Variants in MAST2 observed in about 807,000 individuals in gnomAD.
The protein encoded by MAST2 is microtubule-associated serine/threonine-protein kinase 2.
In MAST2, 70 loss-of-function variants were observed where a neutral mutation model predicts 147.4. That is an observed-to-expected ratio of 0.47 (90% CI 0.39 to 0.58). MAST2 has a LOEUF of 0.58. Ranked by LOEUF, MAST2 falls within the 20% of genes least tolerant of loss-of-function variation. The pLI, the probability that MAST2 is intolerant of heterozygous loss-of-function variation, is 0.00. For synonymous variants in MAST2, 869 were observed against 896.8 expected (o/e 0.97, Z 0.55); for missense variants, 2,080 against 2,302.3 (o/e 0.90, Z 1.98).
chr1:45,960,526 A>G (rs1365575815), intron 5 of MAST2, among the ~76,000 whole-genome samples: 1 of 152,124 alleles, frequency 6.6e-6, no homozygotes, highest in Non-Finnish European at 1.5e-5. Flanking sequence ...AAGAAAAGAA[A>G]AGAAATACGA....
chr1:45,996,656 A>C (rs1645068993), intron 5 of MAST2, among the ~76,000 whole-genome samples: 1 of 152,138 alleles, frequency 6.6e-6, no homozygotes, highest in Non-Finnish European at 1.5e-5. Flanking sequence ...CCATTATATA[A>C]TTGATACAGA....
intron 5 of MAST2, among the ~76,000 whole-genome samples, chr1:45,977,522 G>A (rs996960123): frequency 6.8e-6 from 1 of 147,908 alleles, no homozygotes; most frequent in African/African-American, 2.5e-5. Context: ...CAAAAAGGCC[G>A]GGTGCAGTGG....
chr1:45,979,511 C>A (rs918817172), intron 5 of MAST2, among the ~76,000 whole-genome samples: 2 of 147,298 alleles, frequency 1.4e-5, no homozygotes, highest in Non-Finnish European at 3.0e-5. Context: ...GTCATTTTTT[C>A]TGGAGCTAGA....
chr1:45,987,971 TATA>T (rs1412610645), intron 5 of MAST2, among the ~76,000 whole-genome samples: 8 of 151,860 alleles, frequency 5.3e-5, no homozygotes, highest in Non-Finnish European at 7.4e-5. Context: ...AATGTAGTGA[TATA>T]ATTTTCCCCC....
At chr1:45,989,801 C>T (rs1644792217) in intron 5 of MAST2, among the ~76,000 whole-genome samples, 1 of 152,190 alleles carries the variant, frequency 6.6e-6, no homozygotes, top group Non-Finnish European at 1.5e-5. Context: ...TTATACCTAC[C>T]TTTTCCAAAA....
intron 3 of MAST2, among the ~76,000 whole-genome samples, chr1:45,878,807 G>A (rs1646715826): frequency 6.6e-6 from 1 of 151,970 alleles, no homozygotes; most frequent in African/African-American, 2.4e-5. Flanking sequence ...TGTTAAAAAC[G>A]ATAAAACATT....
chr1:45,927,763 A>G (rs1415825626), intron 4 of MAST2, among the ~76,000 whole-genome samples: 1 of 152,240 alleles, frequency 6.6e-6, no homozygotes, highest in Non-Finnish European at 1.5e-5. Context: ...AGATTAAAGT[A>G]TAAAGACAGG....
chr1:46,035,351 G>C lies in MAST2; in HGVS notation c.4682G>C (p.Ser1561Thr). Residue 1561 changes from serine to threonine, a missense_variant, in exon 29 of 29, where the codon AGC (serine) becomes ACC (threonine). Ser to Thr is a moderately conservative substitution (Grantham distance 58, BLOSUM62 1). Transcript: ENST00000361297. The surrounding 1 kb of genome is among the most constrained non-coding windows in gnomAD (Gnocchi z 5.5). ...DPRSLGPMVP[S>T]LLTGITLGPP... ...AGGAGCCTGGGCCCAATGGTCCCAA[G>C]CCTATTGACAGGGATCACACTGGGG... is the stretch of plus-strand genomic sequence containing the variant. The C allele has an allele frequency of 1.2e-6, 2 of 1,613,704 alleles. No individual in the cohort carries two copies. The highest frequency in any genetic ancestry group is 1.7e-6 in the Non-Finnish European group (2 of 1,179,852).
intron 3 of MAST2, among the ~76,000 whole-genome samples, chr1:45,860,383 CAAAAAAAAA>C (rs10540608): frequency 1.4e-5 from 2 of 139,388 alleles, no homozygotes; most frequent in Non-Finnish European, 3.1e-5. Context: ...GAATCTGTCT[CAAAAAAAAA>C]AAAAAAAAAT....
chr1:45,882,015 A>AAAG (rs1211213570), intron 3 of MAST2, among the ~76,000 whole-genome samples: 3 of 130,172 alleles, frequency 2.3e-5, no homozygotes, highest in Non-Finnish European at 4.7e-5. Context: ...TCTCTACTAA[A>AAAG]AAAAAAAAAA....
intron 4 of MAST2, among the ~76,000 whole-genome samples, chr1:45,890,236 A>G (rs1409697937): frequency 1.3e-5 from 2 of 152,240 alleles, no homozygotes; most frequent in Non-Finnish European, 1.5e-5. Context: ...ATCAGTTGTA[A>G]ATAAAGAACT....
At chr1:45,861,455 C>G (rs1425374407) in intron 3 of MAST2, among the ~76,000 whole-genome samples, 1 of 151,040 alleles carries the variant, frequency 6.6e-6, no homozygotes, top group Non-Finnish European at 1.5e-5. Flanking sequence ...AATTTCCTTG[C>G]TCTGCTGATT....
chr1:46,029,552 G>A lies in MAST2; in HGVS notation c.2305G>A (p.Glu769Lys), dbSNP rs750792731. ...CAAACTGCTCCACCAGAACCCTCTG[G>A]AGAGACTTGGCACAGGTAGGGCAGG... ...TSKLLHQNPLERLGTGSAYEV... is the reference protein window; with the variant it reads ...TSKLLHQNPLKRLGTGSAYEV... Residue 769 changes from glutamate to lysine, a missense_variant, in exon 19 of 29, where the codon GAG (glutamate) becomes AAG (lysine). By Grantham distance (56) the Glu-to-Lys change is moderately conservative. Transcript: ENST00000361297. 1 of 1,613,922 alleles carries A rather than the reference G, an allele frequency of 6.2e-7. No homozygotes were observed. Among genetic ancestry groups the A allele is most frequent in the Admixed American group, 1.7e-5 (1 of 59,980 alleles).
At position 46,008,405 on chromosome 1, in the gene MAST2, C is replaced by T. The variant is rs749358544; in HGVS notation, c.978+34C>T. 1.7e-5 allele frequency: 25 copies of T among 1,505,746 alleles called. No individual in the cohort carries two copies. The African/African-American group carries it at 3.0e-4, about 18-fold the overall frequency. 93.3% of individuals were successfully genotyped at this position (1,505,746 alleles called of 1,614,324 possible). Reference sequence around the variant, plus strand: ...CCATTTAAAAGGAGAGTGGCAATACCCCTCCGGGTGGCTGCCTACAGCCAG... The same window carrying T: ...CCATTTAAAAGGAGAGTGGCAATACTCCTCCGGGTGGCTGCCTACAGCCAG... On this transcript the variant is annotated intron_variant, in intron 9 of 28. Transcript: ENST00000361297.
chr1:45,943,586 T>C (rs991871971), intron 4 of MAST2, among the ~76,000 whole-genome samples: 4 of 152,116 alleles, frequency 2.6e-5, no homozygotes, highest in Non-Finnish European at 5.9e-5. Context: ...GGTTTTGCTT[T>C]CATACAAAAT....
intron 5 of MAST2, among the ~76,000 whole-genome samples, chr1:45,975,311 C>A: frequency 6.6e-6 from 1 of 151,966 alleles, no homozygotes; most frequent in East Asian, 1.9e-4. Flanking sequence ...GTAGAAAGCT[C>A]ATTCTAAGAT....
intron 4 of MAST2, among the ~76,000 whole-genome samples, chr1:45,896,923 A>G (rs1474132573): frequency 6.6e-6 from 1 of 152,190 alleles, no homozygotes; most frequent in East Asian, 1.9e-4. Flanking sequence ...CAAGTTCCAA[A>G]AGCAGGATTG....
intron 4 of MAST2, among the ~76,000 whole-genome samples, chr1:45,942,602 T>C (rs1200888426): frequency 6.6e-6 from 1 of 152,216 alleles, no homozygotes; most frequent in Non-Finnish European, 1.5e-5. Flanking sequence ...TTATATACCA[T>C]TTTAACAAAG....
intron 10 of MAST2, among the ~76,000 whole-genome samples, chr1:46,011,653 C>T (rs958029441): frequency 2.0e-5 from 3 of 152,162 alleles, no homozygotes; most frequent in South Asian, 2.1e-4. Flanking sequence ...TGCCTGTCCC[C>T]GCAGAGCTCA....
Sources: gnomAD v4.1 joint callset for allele counts (sites outside exome capture counted in the v4.1 genomes callset) on GRCh38, gnomAD v4.1.1 for gene constraint, Gnocchi (gnomAD v3.1) non-coding constraint, MANE v1.5 for transcripts, NCBI Gene and HGNC (gene_info 2026-07-23, HGNC 2026-07-21) for gene names.